The following CNIH3 variants were observed in gnomAD, a reference collection of about 807,000 sequenced individuals.
The protein encoded by CNIH3 is cornichon family AMPA receptor auxiliary protein 3.
Under a neutral mutation model 24.1 loss-of-function variants are expected in CNIH3, and 14 were observed. The ratio of observed to expected loss-of-function variants is 0.58; its 90% CI spans 0.38 to 0.91. CNIH3 has a LOEUF of 0.91. Ranked by LOEUF, CNIH3 falls within the 40% of genes least tolerant of loss-of-function variation. The probability of loss-of-function intolerance (pLI) is 0.00; values close to 1 mark genes in which losing one functional copy is unlikely to be tolerated. For missense variants in CNIH3, 178 were observed against 196.8 expected (o/e 0.90, Z 0.57); for synonymous variants, 68 against 73.8 (o/e 0.92, Z 0.40).
At chr1:224,561,746 C>T (rs1431682079) in intron 3 of CNIH3, among the ~76,000 whole-genome samples, 1 of 152,224 alleles carries the variant, frequency 6.6e-6, no homozygotes, top group African/African-American at 2.4e-5. Context: ...CCCTCTCTAT[C>T]CTGCCCAAGT....
At chr1:224,575,766 C>T (rs756117973) in intron 4 of CNIH3, among the ~76,000 whole-genome samples, 19 of 151,804 alleles carry the variant, frequency 1.3e-4, no homozygotes, top group Admixed American at 5.9e-4. Context: ...AAAAAAAACT[C>T]ACTGAAGAAA....
At chr1:224,594,257 G>C (rs948701869) in intron 3 of CNIH3, among the ~76,000 whole-genome samples, 1 of 152,216 alleles carries the variant, frequency 6.6e-6, no homozygotes, top group African/African-American at 2.4e-5. Context: ...ACTGCACACT[G>C]ACCCAGTCTC....
Position 224,739,392 on chromosome 1 carries a change from G to A in CNIH3, c.*36G>A. The A allele has an allele frequency of 6.2e-7, 1 of 1,602,742 alleles. No homozygotes were observed. The highest frequency in any genetic ancestry group is 8.5e-7 in the Non-Finnish European group (1 of 1,176,960). On this transcript the variant is annotated 3_prime_UTR_variant, in exon 6 of 6. Transcript: ENST00000272133. Reference sequence around the variant, plus strand: ...ATGCACATCATCAGAGACTGAGATGGGAGAGGCCTGAGACGGAGAGGTGCA... The same window carrying A: ...ATGCACATCATCAGAGACTGAGATGAGAGAGGCCTGAGACGGAGAGGTGCA...
chr1:224,581,636 C>T (rs1421883073), intron 4 of CNIH3, among the ~76,000 whole-genome samples: 2 of 152,166 alleles, frequency 1.3e-5, no homozygotes, highest in Non-Finnish European at 2.9e-5. Context: ...GAAAACAGTG[C>T]TATTGCATAT....
intron 1 of CNIH3, among the ~76,000 whole-genome samples, chr1:224,452,554 G>A (rs1339573714): frequency 1.3e-5 from 2 of 151,666 alleles, no homozygotes; most frequent in Non-Finnish European, 2.9e-5. Flanking sequence ...GGCCAAGGTG[G>A]GCGGATCACA....
intron 5 of CNIH3, chr1:224,587,468 G>A (rs1012842609): frequency 2.6e-5 from 4 of 152,204 alleles, no homozygotes; most frequent in African/African-American, 9.7e-5. Context: ...GAAGGAAGCG[G>A]GTGTCTGGCC....
At chr1:224,513,488 T>C (rs539671392), upstream of CNIH3, among the ~76,000 whole-genome samples, 84 of 151,912 alleles carry the variant, frequency 5.5e-4, no homozygotes, top group Non-Finnish European at 8.7e-4. Flanking sequence ...CCAGCTTGTT[T>C]CTTGAGGAAA....
In CNIH3 at chr1:224,694,514, T is replaced by A. The variant is rs568846858; in HGVS notation, c.198+9671T>A. 2.6e-5 allele frequency among the ~76,000 whole-genome samples: 4 copies of A among 152,326 alleles called. No homozygotes were observed. In the South Asian group the frequency reaches 8.3e-4, roughly 32 times the overall value. ...AATTTTATCTGTCACCTTGGCTAGG[T>A]CACGGTGCCTAGATATGTGATCAAA... On this transcript the variant is annotated intron_variant, in intron 3 of 5. Transcript: ENST00000272133.
At position 224,604,658 on chromosome 1, in the gene CNIH3, G is replaced by T. The variant is rs1682342438; in HGVS notation, n.402+38394G>T. Among the ~76,000 whole-genome samples the T allele has an allele frequency of 6.6e-6, 1 of 152,194 alleles. No individual in the cohort carries two copies. The highest frequency in any genetic ancestry group is 2.4e-5 in the African/African-American group (1 of 41,440). On this transcript the variant is annotated intron_variant and non_coding_transcript_variant, in intron 3 of 7. Transcript: ENST00000478120. This position sits in a 1 kb window ranked among gnomAD's most constrained non-coding sequence, Gnocchi z 4.4. ...GAAGGCCAGAGGTGAAAGGAACAAG[G>T]ACCAGTCCAGCTGGTGAAACTGATG...
chr1:224,567,841 C>G (rs1017674832), intron 4 of CNIH3, among the ~76,000 whole-genome samples: 2 of 152,200 alleles, frequency 1.3e-5, no homozygotes, highest in Non-Finnish European at 1.5e-5. Flanking sequence ...AATGACCCCA[C>G]TGGGATGTTA....
chr1:224,669,171 C>G (rs756519212), intron 1 of CNIH3, among the ~76,000 whole-genome samples: 1 of 152,174 alleles, frequency 6.6e-6, no homozygotes, highest in Non-Finnish European at 1.5e-5. Context: ...GGGGCTAGGT[C>G]TGCCTGGTGT....
intron 5 of CNIH3, among the ~76,000 whole-genome samples, chr1:224,583,869 A>T (rs1008362325): frequency 6.6e-6 from 1 of 152,210 alleles, no homozygotes; most frequent in African/African-American, 2.4e-5. Flanking sequence ...GAAGGGTTGA[A>T]TTTGAAACAC....
chr1:224,512,175 CAA>C (rs71779272), upstream of CNIH3, among the ~76,000 whole-genome samples: 41 of 132,958 alleles, frequency 3.1e-4, no homozygotes, highest in Non-Finnish European at 4.4e-4. Context: ...AACACCGTCT[CAA>C]AAAAAAAAAA....
At chr1:224,718,633 G>C (rs1688555898) in intron 3 of CNIH3, among the ~76,000 whole-genome samples, 1 of 152,282 alleles carries the variant, frequency 6.6e-6, no homozygotes, top group South Asian at 2.1e-4. Context: ...GTTAGGAGGA[G>C]ACGGGTGGCT....
intron 4 of CNIH3, among the ~76,000 whole-genome samples, chr1:224,570,206 T>G (rs1485999907): frequency 1.3e-5 from 2 of 152,234 alleles, no homozygotes; most frequent in African/African-American, 4.8e-5. Context: ...GGGGTACGTG[T>G]GCAAGTTTGT....
upstream of CNIH3, among the ~76,000 whole-genome samples, chr1:224,514,228 A>C (rs115775851): frequency 6.9e-3 from 1,050 of 152,308 alleles, 12 homozygotes; most frequent in African/African-American, 0.024. Flanking sequence ...CTGAACTGGA[A>C]CATACTTGTC....
chr1:224,657,586 A>G (rs1685159183), intron 1 of CNIH3, among the ~76,000 whole-genome samples: 1 of 152,246 alleles, frequency 6.6e-6, no homozygotes, highest in South Asian at 2.1e-4. Context: ...AAATTATTTC[A>G]GTCCTCTACT....
chr1:224,436,551 C>T (rs1255538572), intron 1 of CNIH3, among the ~76,000 whole-genome samples: 1 of 152,150 alleles, frequency 6.6e-6, no homozygotes, highest in African/African-American at 2.4e-5. Flanking sequence ...GCTATCTAAA[C>T]TCTATATTCC....
At chr1:224,525,109 C>A (rs1427670877) in intron 2 of CNIH3, among the ~76,000 whole-genome samples, 1 of 152,194 alleles carries the variant, frequency 6.6e-6, no homozygotes, top group African/African-American at 2.4e-5. Flanking sequence ...ATGGCAATTA[C>A]CCTCCTGTAT....
Sources: allele counts gnomAD v4.1 joint callset (sites outside exome capture counted in the v4.1 genomes callset), GRCh38; gene constraint gnomAD v4.1.1; non-coding constraint Gnocchi (gnomAD v3.1); transcripts MANE v1.5; gene names NCBI Gene and HGNC (gene_info 2026-07-23, HGNC 2026-07-21).